Variants in SGPP2 observed in about 807,000 individuals in gnomAD.
The protein encoded by SGPP2 is sphingosine-1-phosphate phosphatase 2, also known as sphingosine 1-phosphate phosphohydrolase 2.
Under a neutral mutation model 33.9 loss-of-function variants are expected in SGPP2, and 30 were observed. The observed-to-expected ratio is 0.89, with a 90% CI of 0.66 to 1.20. The LOEUF (loss-of-function observed/expected upper bound fraction) is 1.20. Among genes scored for constraint, SGPP2 ranks in the 50% most tolerant of loss-of-function variants. The pLI is 0.00. For synonymous variants in SGPP2, 233 were observed against 225.0 expected (o/e 1.04, Z -0.32); for missense variants, 458 against 532.1 (o/e 0.86, Z 1.37).
rs568184496 is a variant in SGPP2, at chr2:222,508,185, A to G, written c.379-13582A>G. 1.1e-3 allele frequency among the ~76,000 whole-genome samples: 169 copies of G among 152,338 alleles called. 3 individuals are homozygous for G. In the South Asian group the frequency reaches 0.011, roughly 10 times the overall value. ...GCCCCAAGGACACTCAGCGTCCTCT[A>G]TTGAGCTCCGGATGGATCTAAAGAA... On this transcript the variant is annotated intron_variant, in intron 2 of 4. Coordinates refer to ENST00000321276, the MANE Select transcript of SGPP2 (RefSeq NM_152386.4).
At chr2:222,518,019 T>A (rs1404530901) in intron 2 of SGPP2, among the ~76,000 whole-genome samples, 3 of 152,216 alleles carry the variant, frequency 2.0e-5, no homozygotes, top group Non-Finnish European at 4.4e-5. Context: ...TTTTCCCTAC[T>A]CAAGGATGGG....
intron 4 of SGPP2, among the ~76,000 whole-genome samples, chr2:222,532,255 C>T (rs1194940007): frequency 6.7e-6 from 1 of 149,658 alleles, no homozygotes; most frequent in Admixed American, 6.6e-5. Flanking sequence ...GCCTGGGCAA[C>T]AAGAGTGAAA....
chr2:222,529,703 T>C (rs191033073), intron 4 of SGPP2, among the ~76,000 whole-genome samples: 1 of 152,208 alleles, frequency 6.6e-6, no homozygotes, highest in African/African-American at 2.4e-5. Flanking sequence ...AAGTTATCCA[T>C]AAGGGCTGGA....
chr2:222,554,579 T>A (rs983231118), intron 4 of SGPP2, among the ~76,000 whole-genome samples: 1 of 152,248 alleles, frequency 6.6e-6, no homozygotes. Flanking sequence ...ATAAATGTTA[T>A]ACCATTTTGC....
At chr2:222,458,926 T>A (rs1197454446) in intron 1 of SGPP2, among the ~76,000 whole-genome samples, 3 of 152,148 alleles carry the variant, frequency 2.0e-5, no homozygotes, top group Non-Finnish European at 2.9e-5. Flanking sequence ...CCAGATAGAA[T>A]AGCAAAATCT....
In SGPP2 at chr2:222,463,527, C is replaced by T. The variant is rs369131496; in HGVS notation, c.220-11041C>T. ...CCAGTCTGGACTACAGAGTGAGACC[C>T]TGTCTCTATTTTTAAAAAATGAAAG... On this transcript the variant is annotated intron_variant, in intron 1 of 4. Transcript: ENST00000321276. Among the ~76,000 whole-genome samples, 14 of 152,260 alleles carry T rather than the reference C, an allele frequency of 9.2e-5. No homozygotes were observed. The East Asian group carries it at 1.5e-3, about 17-fold the overall frequency.
intron 3 of SGPP2, among the ~76,000 whole-genome samples, chr2:222,524,169 G>T (rs542320695): frequency 7.9e-5 from 12 of 152,276 alleles, no homozygotes; most frequent in African/African-American, 2.6e-4. Flanking sequence ...TGTAAAATGG[G>T]GCTAATAACA....
intron 4 of SGPP2, among the ~76,000 whole-genome samples, chr2:222,528,665 G>A (rs1574879763): frequency 6.6e-6 from 1 of 152,248 alleles, no homozygotes; most frequent in East Asian, 1.9e-4. Flanking sequence ...CACCTGGGCT[G>A]GAGTGCAGTG....
At chr2:222,545,919 A>G (rs1689186978) in intron 4 of SGPP2, among the ~76,000 whole-genome samples, 1 of 152,200 alleles carries the variant, frequency 6.6e-6, no homozygotes, top group African/African-American at 2.4e-5. Context: ...TTACCAAAAT[A>G]TATCCTGTTG....
intron 1 of SGPP2, among the ~76,000 whole-genome samples, chr2:222,470,167 C>T (rs538688639): frequency 4.6e-5 from 7 of 152,126 alleles, no homozygotes; most frequent in East Asian, 1.9e-4. Flanking sequence ...CTAATGCATG[C>T]GGGGCTTAAA....
At chr2:222,461,766 G>T (rs975975840) in intron 1 of SGPP2, among the ~76,000 whole-genome samples, 1 of 152,108 alleles carries the variant, frequency 6.6e-6, no homozygotes, top group African/African-American at 2.4e-5. Flanking sequence ...AGCACAAGTG[G>T]TAATGTTCAC....
At chr2:222,481,296 T>A (rs371134399) in intron 2 of SGPP2, among the ~76,000 whole-genome samples, 2 of 152,358 alleles carry the variant, frequency 1.3e-5, no homozygotes, top group African/African-American at 4.8e-5. Flanking sequence ...TTCCAGTTCA[T>A]ATATAATTAG....
chr2:222,440,242 G>C (rs569111792), intron 1 of SGPP2, among the ~76,000 whole-genome samples: 1 of 152,332 alleles, frequency 6.6e-6, no homozygotes, highest in Admixed American at 6.5e-5. Flanking sequence ...TATGTGCCAA[G>C]GAGAGCACAG....
chr2:222,521,853 A>G lies in SGPP2; in HGVS notation c.465A>G (p.Arg155=), dbSNP rs771584510. ...CTCCAGTTGTAAAACTGGAAAAGAGACTGATCGCTGAATATGGAATGCCAT... is the reference window on the plus strand; with the variant it reads ...CTCCAGTTGTAAAACTGGAAAAGAGGCTGATCGCTGAATATGGAATGCCAT... ...SSPPVVKLEK[R]LIAEYGMPST... is the part of the protein sequence containing the mutation. Residue 155 remains arginine (R), a synonymous_variant, in exon 3 of 5, where the codon AGA becomes AGG. Transcript: ENST00000321276. 1 of 1,611,128 alleles carries G rather than the reference A, an allele frequency of 6.2e-7. No homozygotes were observed. Among genetic ancestry groups the G allele is most frequent in the Non-Finnish European group, 8.5e-7 (1 of 1,178,958 alleles).
chr2:222,434,336 C>G (rs1315724363), intron 1 of SGPP2, among the ~76,000 whole-genome samples: 6 of 152,112 alleles, frequency 3.9e-5, no homozygotes, highest in African/African-American at 1.4e-4. Context: ...TGGGGCACAG[C>G]GCAATATCTC....
chr2:222,556,617 C>T (rs1184624172), intron 4 of SGPP2, among the ~76,000 whole-genome samples: 3 of 85,552 alleles, frequency 3.5e-5, no homozygotes, highest in Admixed American at 1.1e-4. Flanking sequence ...TCCCCCCTCA[C>T]TCCTCCCCAT....
intron 2 of SGPP2, among the ~76,000 whole-genome samples, chr2:222,502,189 G>A (rs996623540): frequency 1.3e-5 from 2 of 152,148 alleles, no homozygotes; most frequent in South Asian, 2.1e-4. Flanking sequence ...CAGGAATCAG[G>A]ATATATACAT....
At chr2:222,543,443 T>C (rs1318730425) in intron 4 of SGPP2, among the ~76,000 whole-genome samples, 1 of 152,238 alleles carries the variant, frequency 6.6e-6, no homozygotes, top group African/African-American at 2.4e-5. Context: ...AAACCCTATA[T>C]ATACTATGTT....
chr2:222,424,316 T>G (rs1278235285), upstream of SGPP2, among the ~76,000 whole-genome samples: 1 of 151,690 alleles, frequency 6.6e-6, no homozygotes, highest in Non-Finnish European at 1.5e-5. Context: ...AGTTCGGAGA[T>G]CGGCACTCCT....
Sources: gnomAD v4.1 joint callset for allele counts (sites outside exome capture counted in the v4.1 genomes callset) on GRCh38, gnomAD v4.1.1 for gene constraint, MANE v1.5 for transcripts, NCBI Gene and HGNC (gene_info 2026-07-23, HGNC 2026-07-21) for gene names.